PTPRO: variants seen among roughly 807,000 people sequenced by gnomAD.
PTPRO encodes protein tyrosine phosphatase receptor type O.
A neutral mutation model predicts 145.2 loss-of-function variants in PTPRO; 62 were observed. That is an observed-to-expected ratio of 0.43 (90% confidence interval 0.35 to 0.53). The LOEUF (loss-of-function observed/expected upper bound fraction) is 0.53. PTPRO is among the 20% of genes least tolerant of loss of function. The pLI, the probability that PTPRO is intolerant of heterozygous loss-of-function variation, is 0.01. For missense variants in PTPRO, 1,345 were observed against 1,482.7 expected (o/e 0.91, Z 1.53); for synonymous variants, 565 against 514.7 (o/e 1.10, Z -1.32).
chr12:15,427,084 A>G (rs1213736365), intron 1 of PTPRO, among the ~76,000 whole-genome samples: 1 of 152,070 alleles, frequency 6.6e-6, no homozygotes, highest in Non-Finnish European at 1.5e-5. Flanking sequence ...TAACTCCCGG[A>G]CAAGCTGTTT....
rs78131438 is a variant in PTPRO, at chr12:15,384,646, T to C, written c.75+61845T>C. On this transcript the variant is annotated intron_variant, in intron 1 of 26. Coordinates refer to ENST00000281171, the MANE Select transcript of PTPRO (RefSeq NM_030667.3). ...ATCTCCTTAAAGTCCTGTCTCCAAA[T>C]GCCGTTACATTGGGGGTTAGGGCTT... Among the ~76,000 whole-genome samples the C allele has an allele frequency of 3.4e-3, 514 of 152,302 alleles. 4 individuals carry two copies. The East Asian group carries it at 0.051, about 15-fold the overall frequency.
chr12:15,522,922 A>G (rs1942756479), intron 10 of PTPRO, among the ~76,000 whole-genome samples: 1 of 152,200 alleles, frequency 6.6e-6, no homozygotes, highest in Non-Finnish European at 1.5e-5. Flanking sequence ...ATGAGAAAAT[A>G]CCCTTTGAAG....
intron 1 of PTPRO, among the ~76,000 whole-genome samples, chr12:15,426,765 TAA>T (rs1940297000): frequency 1.3e-5 from 2 of 152,090 alleles, no homozygotes; most frequent in East Asian, 1.9e-4. Flanking sequence ...GATTTGGAGT[TAA>T]GTTTTCCAGA....
intron 1 of PTPRO, among the ~76,000 whole-genome samples, chr12:15,477,756 C>T (rs1472597163): frequency 3.3e-5 from 5 of 152,128 alleles, no homozygotes; most frequent in South Asian, 4.2e-4. Flanking sequence ...CAAGTGCTCC[C>T]GCTGCACTTT....
chr12:15,514,449 C>T (rs1942531552), intron 7 of PTPRO, among the ~76,000 whole-genome samples: 1 of 102,740 alleles, frequency 9.7e-6, no homozygotes. Flanking sequence ...AAGACTCTGT[C>T]TCAAAAAAAA....
chr12:15,367,385 A>G lies in PTPRO; in HGVS notation c.75+44584A>G, dbSNP rs373055064. Among the ~76,000 whole-genome samples, 12 of 152,334 alleles carry G rather than the reference A, an allele frequency of 7.9e-5. No homozygotes were observed. The East Asian group carries it at 1.9e-3, about 24-fold the overall frequency. On this transcript the variant is annotated intron_variant, in intron 1 of 26. Transcript: ENST00000281171. ...AAAAGAGGGAAGAAGATTTCAGAAC[A>G]ATGTGAGCAAAATTTCAGATGCAGC...
rs144347297 is a variant in PTPRO at position 15,581,768 on chromosome 12, C to T, written c.3222C>T (p.Asp1074=). 2.7e-4 allele frequency: 434 copies of T among 1,613,976 alleles called. 1 individual carries two copies. In the African/African-American group the frequency reaches 3.9e-3, roughly 15 times the overall value. ...TVEMISEEEQ[D]DWACRHFRIN... ...AGATGATTTCAGAGGAAGAGCAGGA[C>T]GACTGGGCCTGTAGACACTTCCGGA... Residue 1074 remains aspartate, a synonymous_variant, in exon 23 of 27, where the codon GAC becomes GAT. Coordinates refer to ENST00000281171, the MANE Select transcript of PTPRO (RefSeq NM_030667.3).
chr12:15,357,600 GA>G, intron 1 of PTPRO, among the ~76,000 whole-genome samples: 1 of 151,590 alleles, frequency 6.6e-6, no homozygotes, highest in South Asian at 2.1e-4. Context: ...CTTCTCAAAA[GA>G]AGACATTTAT....
rs1409978925 is a variant in PTPRO, at chr12:15,501,780, T to A, written c.822T>A (p.Ile274=). 2.5e-6 allele frequency: 4 copies of A among 1,613,858 alleles called. No individual in the cohort carries two copies. In the Admixed American group the frequency reaches 6.7e-5, roughly 27 times the overall value. ...LFHFTEETPE[I]PSGNISSGWP... Reference sequence around the variant, plus strand: ...ATTTTACAGAAGAAACCCCTGAAATTCCCTCGGGCAACATTTCTTCCGGTT... The same window carrying A: ...ATTTTACAGAAGAAACCCCTGAAATACCCTCGGGCAACATTTCTTCCGGTT... Residue 274 remains isoleucine (I), a synonymous_variant, in exon 5 of 27, where the codon ATT becomes ATA. Coordinates refer to ENST00000281171, the MANE Select transcript of PTPRO (RefSeq NM_030667.3).
chr12:15,525,068 A>G (rs1372144598), intron 11 of PTPRO, 103 bp downstream of exon 11: 25 of 1,377,630 alleles, frequency 1.8e-5, no homozygotes, highest in Non-Finnish European at 2.5e-5. Context: ...ATGTTTGCAT[A>G]CCAGTTGTCT....
chr12:15,343,777 T>G (rs1223573793), intron 1 of PTPRO, among the ~76,000 whole-genome samples: 1 of 152,192 alleles, frequency 6.6e-6, no homozygotes, highest in Non-Finnish European at 1.5e-5. Flanking sequence ...CTCCGCTTAC[T>G]GGAAGCTCCG....
chr12:15,515,725 A>T, intron 8 of PTPRO, 107 bp downstream of exon 8: 2 of 1,446,056 alleles, frequency 1.4e-6, no homozygotes, highest in Non-Finnish European at 1.9e-6. Flanking sequence ...GAAGGTCCAT[A>T]TTAGTTCATC....
intron 1 of PTPRO, among the ~76,000 whole-genome samples, chr12:15,375,212 A>G (rs1463417974): frequency 3.9e-5 from 6 of 152,184 alleles, no homozygotes; most frequent in Non-Finnish European, 7.3e-5. Flanking sequence ...TGGGGAAAAC[A>G]TCTGACTTTC....
chr12:15,582,704 GTT>G (rs1468923076), intron 23 of PTPRO, among the ~76,000 whole-genome samples: 1 of 151,916 alleles, frequency 6.6e-6, no homozygotes, highest in African/African-American at 2.4e-5. Flanking sequence ...AGTAGTTTGG[GTT>G]TTGTTTTGTT....
At chr12:15,331,962 C>CTTTTTTTTTT (rs200334215) in intron 1 of PTPRO, among the ~76,000 whole-genome samples, 105 of 118,212 alleles carry the variant, frequency 8.9e-4, no homozygotes, top group East Asian at 1.2e-3. Context: ...CTCTTTCTTT[C>CTTTTTTTTTT]TTTTTTTTTT....
chr12:15,580,929 T>C (rs1591764740), intron 22 of PTPRO, 98 bp downstream of exon 22: 3 of 1,487,768 alleles, frequency 2.0e-6, no homozygotes, highest in South Asian at 1.1e-5. Context: ...AAATAAAACA[T>C]AGAGACAAAT....
chr12:15,516,812 C>G lies in PTPRO; in HGVS notation c.1635C>G (p.Ala545=). The change falls in exon 9 of 27, where the codon GCC becomes GCG. Residue 545 remains alanine, a synonymous_variant. Transcript: ENST00000281171. ...TGCTCTATCCTTTGGGTCCTACGGC[C>G]GTGGTTCTGAGCTGGACCAGACCTT... is the stretch of plus-strand genomic sequence containing the variant. ...DLMLYPLGPT[A]VVLSWTRPYL... 2 of 1,612,312 alleles carry G rather than the reference C, an allele frequency of 1.2e-6. No individual in the cohort carries two copies. The highest frequency in any genetic ancestry group is 8.5e-7 in the Non-Finnish European group (1 of 1,178,348).
chr12:15,379,911 T>C (rs538680341), intron 1 of PTPRO, among the ~76,000 whole-genome samples: 2 of 152,306 alleles, frequency 1.3e-5, no homozygotes, highest in African/African-American at 4.8e-5. Flanking sequence ...TCATTTAAAG[T>C]AATTGTGCAC....
At chr12:15,530,859 G>A (rs1409718681) in intron 12 of PTPRO, among the ~76,000 whole-genome samples, 2 of 151,812 alleles carry the variant, frequency 1.3e-5, no homozygotes, top group East Asian at 3.9e-4. Context: ...TTAGTAGAAG[G>A]AAAGAAATGT....
Sources: allele counts gnomAD v4.1 joint callset (sites outside exome capture counted in the v4.1 genomes callset), GRCh38; gene constraint gnomAD v4.1.1; transcripts MANE v1.5; gene names NCBI Gene and HGNC (gene_info 2026-07-23, HGNC 2026-07-21).